OSTF1: variants seen among roughly 807,000 people sequenced by gnomAD.
OSTF1 encodes osteoclast-stimulating factor 1.
OSTF1 carries 27 observed loss-of-function variants against 37.2 expected under a neutral mutation model. The observed-to-expected ratio is 0.73, with a 90% confidence interval of 0.54 to 1.00. The LOEUF (loss-of-function observed/expected upper bound fraction) is 1.00, where lower values mean the gene tolerates loss of function less well. OSTF1 is among the 50% of genes least tolerant of loss of function. The pLI is 0.00. For missense variants in OSTF1, 232 were observed against 253.8 expected, an observed-to-expected ratio of 0.91 and a Z score of 0.58; for synonymous variants, 82 against 89.2, an observed-to-expected ratio of 0.92 and a Z score of 0.46.
At chr9:75,111,811 C>CTTTTTTTTTT (rs535464490) in intron 1 of OSTF1, among the ~76,000 whole-genome samples, 2 of 52,114 alleles carry the variant, frequency 3.8e-5, no homozygotes, top group African/African-American at 1.6e-4. Flanking sequence ...ATGTTTACTG[C>CTTTTTTTTTT]TTTTTTTTTT....
intron 1 of OSTF1, among the ~76,000 whole-genome samples, chr9:75,101,931 A>C (rs897865734): frequency 1.3e-5 from 2 of 152,204 alleles, no homozygotes; most frequent in Non-Finnish European, 2.9e-5. Context: ...ATGTGTCTTC[A>C]TAGAGAGCCA....
At position 75,088,540 on chromosome 9, in the gene OSTF1, C is replaced by T; in HGVS notation, c.-153C>T. 1.3e-6 allele frequency: 1 copy of T among 794,460 alleles called. No individual in the cohort carries two copies. Among genetic ancestry groups the T allele is most frequent in the South Asian group, 1.6e-5 (1 of 63,298 alleles). 49.2% of individuals were successfully genotyped at this position (794,460 alleles called of 1,614,324 possible). On this transcript the variant is annotated 5_prime_UTR_variant, in exon 1 of 10. Transcript: ENST00000346234. ...CTCGGCGGAGCCGCTCTGCCTGCGT[C>T]CGCTCTTCCCGCAGCCAAGGGTGGG... is the stretch of plus-strand genomic sequence containing the variant.
intron 1 of OSTF1, among the ~76,000 whole-genome samples, chr9:75,099,116 A>G (rs896357177): frequency 6.6e-6 from 1 of 151,762 alleles, no homozygotes; most frequent in African/African-American, 2.4e-5. Flanking sequence ...TTTTGTATTT[A>G]TAGTAGAAAT....
At chr9:75,090,182 A>AT (rs372290475) in intron 1 of OSTF1, among the ~76,000 whole-genome samples, 1 of 151,902 alleles carries the variant, frequency 6.6e-6, no homozygotes, top group Non-Finnish European at 1.5e-5. Context: ...TATTTATCTT[A>AT]TTTTTTTCTG....
rs1826030307 is a variant in OSTF1, at chr9:75,146,691, C to T, written c.595C>T (p.Arg199Ter). The T allele has an allele frequency of 1.9e-6, 3 of 1,608,190 alleles. No homozygotes were observed. Among genetic ancestry groups the T allele is most frequent in the South Asian group, 1.1e-5 (1 of 90,370 alleles). ...CCTCCTCTTTCTTTCAGATGCAGTT[C>T]GAACATTAAGCAATGCCGAGGACTA... is the stretch of plus-strand genomic sequence containing the variant. ...LKKKQGTDAV[R>*]TLSNAEDYLD... The change falls in exon 10 of 10, where the codon CGA (arginine) becomes TGA (stop). Residue 199 changes from arginine to a stop codon, truncating the protein, a stop_gained. Transcript: ENST00000346234. LOFTEE classifies it high-confidence loss of function.
At chr9:75,145,585 A>G (rs541992292) in intron 9 of OSTF1, among the ~76,000 whole-genome samples, 1 of 152,152 alleles carries the variant, frequency 6.6e-6, no homozygotes, top group Non-Finnish European at 1.5e-5. Context: ...TCCCTCATCA[A>G]TTGTTTTGTT....
At chr9:75,105,321 A>G (rs548768311) in intron 1 of OSTF1, among the ~76,000 whole-genome samples, 11 of 152,178 alleles carry the variant, frequency 7.2e-5, no homozygotes, top group Non-Finnish European at 1.3e-4. Flanking sequence ...TAAAGGGCCA[A>G]ATAGTAAATA....
intron 1 of OSTF1, among the ~76,000 whole-genome samples, chr9:75,093,469 C>A (rs1270321282): frequency 6.6e-6 from 1 of 152,154 alleles, no homozygotes; most frequent in Non-Finnish European, 1.5e-5. Flanking sequence ...TGGTAACTAT[C>A]TATTGTAGTT....
chr9:75,096,868 G>A (rs1242709314), intron 1 of OSTF1, among the ~76,000 whole-genome samples: 1 of 152,104 alleles, frequency 6.6e-6, no homozygotes, highest in East Asian at 1.9e-4. Context: ...GGAGGATCTC[G>A]GAGTCTCATC....
intron 2 of OSTF1, among the ~76,000 whole-genome samples, chr9:75,122,954 G>C (rs991261994): frequency 6.6e-6 from 1 of 152,078 alleles, no homozygotes; most frequent in African/African-American, 2.4e-5. Context: ...AAATATATTT[G>C]CATAAACCAA....
chr9:75,120,679 C>T (rs771236016), intron 2 of OSTF1, among the ~76,000 whole-genome samples: 37 of 152,150 alleles, frequency 2.4e-4, no homozygotes, highest in Non-Finnish European at 4.1e-4. Context: ...TTCCATCTGT[C>T]GTCTGAGCTA....
At chr9:75,146,301 C>A (rs1271047966) in intron 9 of OSTF1, among the ~76,000 whole-genome samples, 1 of 152,252 alleles carries the variant, frequency 6.6e-6, no homozygotes. Context: ...TAACGTCCTA[C>A]CTAGTGACTT....
chr9:75,121,279 CAG>C (rs1264767791), intron 2 of OSTF1, among the ~76,000 whole-genome samples: 1 of 152,140 alleles, frequency 6.6e-6, no homozygotes, highest in African/African-American at 2.4e-5. Flanking sequence ...AGACATTTAA[CAG>C]ATATTTTTGA....
intron 1 of OSTF1, among the ~76,000 whole-genome samples, chr9:75,108,927 G>T (rs1825336902): frequency 6.6e-6 from 1 of 152,004 alleles, no homozygotes; most frequent in African/African-American, 2.4e-5. Context: ...TACCATTTCT[G>T]CCCTTTTATA....
chr9:75,134,095 T>G (rs1296025930), intron 6 of OSTF1, among the ~76,000 whole-genome samples: 3 of 152,160 alleles, frequency 2.0e-5, no homozygotes, highest in Non-Finnish European at 4.4e-5. Context: ...AGTATTATAG[T>G]GAATGTAAAA....
At chr9:75,133,211 A>T (rs1034812396) in intron 5 of OSTF1, 83 bp from the exon 6 acceptor site, 6 of 808,384 alleles carry the variant, frequency 7.4e-6, no homozygotes, top group South Asian at 1.7e-5. Flanking sequence ...ATGGAAATTT[A>T]TGCAGAATGA....
At chr9:75,125,468 CA>C (rs1265903900) in intron 2 of OSTF1, among the ~76,000 whole-genome samples, 5 of 151,760 alleles carry the variant, frequency 3.3e-5, no homozygotes, top group Non-Finnish European at 5.9e-5. Flanking sequence ...ATTCAAGCAA[CA>C]AAAAAAGTAA....
intron 1 of OSTF1, among the ~76,000 whole-genome samples, chr9:75,109,989 A>G (rs899950404): frequency 2.0e-5 from 3 of 152,178 alleles, no homozygotes; most frequent in African/African-American, 4.8e-5. Flanking sequence ...GCTGCCACAC[A>G]TGTGTAGCCC....
At chr9:75,111,009 G>A (rs1038879491) in intron 1 of OSTF1, among the ~76,000 whole-genome samples, 4 of 151,986 alleles carry the variant, frequency 2.6e-5, no homozygotes, top group African/African-American at 4.8e-5. Context: ...GTGAGCCACC[G>A]TGCCCGGCCC....
Sources: gnomAD v4.1 joint callset for allele counts (sites outside exome capture counted in the v4.1 genomes callset) on GRCh38, gnomAD v4.1.1 for gene constraint, MANE v1.5 for transcripts, NCBI Gene and HGNC (gene_info 2026-07-23, HGNC 2026-07-21) for gene names.